TAF1: variants seen among roughly 807,000 people sequenced by gnomAD.
TAF1 encodes TATA-box binding protein associated factor 1.
Under a neutral mutation model 138.5 loss-of-function variants are expected in TAF1, and 2 were observed. The ratio of observed to expected loss-of-function variants is 0.01; its 90% confidence interval spans 0.01 to 0.05. The LOEUF (loss-of-function observed/expected upper bound fraction) is 0.05, where lower values mean the gene tolerates loss of function less well. Ranked by LOEUF, TAF1 falls within the 10% of genes least tolerant of loss-of-function variation. TAF1 has a pLI of 1.00. For missense variants in TAF1, 709 were observed against 1,478.0 expected (o/e 0.48, Z 8.53); for synonymous variants, 437 against 503.2 (o/e 0.87, Z 1.76).
chrX:71,379,099 G>T, intron 8 of TAF1, 68 bp downstream of exon 8: 1 of 789,736 alleles, frequency 1.3e-6, no homozygotes, highest in Non-Finnish European at 1.7e-6. Flanking sequence ...AGTGGGCTCA[G>T]CTGTGATTTT....
intron 13 of TAF1, among the ~76,000 whole-genome samples, chrX:71,511,188 C>T (rs985917824): frequency 3.6e-5 from 4 of 112,051 alleles, no homozygotes; most frequent in Admixed American, 1.9e-4. Context: ...TTTTTGCTTC[C>T]CCTAGACACA....
At position 71,439,316 on chromosome X, in the gene TAF1, CTT is replaced by C. The variant is rs1387015918; in HGVS notation, c.4754-14852_4754-14851del. ...GAAACTCTTTTTTTTTAATTCTTCA[CTT>C]TGAATAAGTTCCAACATCCAGTATG... On this transcript the variant is annotated intron_variant, in intron 32 of 37. Coordinates refer to ENST00000423759, the MANE Select transcript of TAF1 (RefSeq NM_004606.5). Among the ~76,000 whole-genome samples, 4 of 111,211 alleles carry C rather than the reference CTT, an allele frequency of 3.6e-5. No individual in the cohort carries two copies. In the East Asian group the frequency reaches 1.1e-3, roughly 31 times the overall value.
intron 13 of TAF1, among the ~76,000 whole-genome samples, chrX:71,503,306 ATATATATATATATATGTGTGTG>A (rs1569408330): frequency 1.0e-5 from 1 of 95,574 alleles, no homozygotes. Context: ...GTGTATATAT[ATATATATATATATATGTGTGTG>A]TATATATATA....
chrX:71,377,946 A>G (rs1014262033), intron 6 of TAF1, 125 bp downstream of exon 6: 71 of 836,117 alleles, frequency 8.5e-5, no homozygotes, highest in South Asian at 2.5e-4. Flanking sequence ...CTAATTTTCA[A>G]TGAGTAATCA....
intron 32 of TAF1, among the ~76,000 whole-genome samples, chrX:71,426,340 C>T (rs1021175151): frequency 4.5e-5 from 5 of 110,112 alleles, no homozygotes; most frequent in African/African-American, 1.6e-4. Context: ...GTTTACTTGG[C>T]AAAGAATGTG....
At chrX:71,504,122 C>T (rs1390904023) in intron 13 of TAF1, among the ~76,000 whole-genome samples, 8 of 111,067 alleles carry the variant, frequency 7.2e-5, no homozygotes. Flanking sequence ...GCAGCTTTAG[C>T]ATGTGCCTGA....
In TAF1 at chrX:71,463,883, G is replaced by C; in HGVS notation, c.5459G>C (p.Ser1820Thr). The C allele has an allele frequency of 1.7e-6, 2 of 1,211,059 alleles. No homozygotes were observed. Among genetic ancestry groups the C allele is most frequent in the Non-Finnish European group, 2.2e-6 (2 of 895,160 alleles). The change falls in exon 38 of 38, where the codon AGC (serine) becomes ACC (threonine). Residue 1820 changes from serine (S) to threonine (T), a missense_variant. Coordinates refer to ENST00000423759, the MANE Select transcript of TAF1 (RefSeq NM_004606.5). ...AACACCCAAGACACAAGCTTCAGCAGCATCGGTGGGTATGAGGTATCAGAG... is the reference window on the plus strand; with the variant it reads ...AACACCCAAGACACAAGCTTCAGCACCATCGGTGGGTATGAGGTATCAGAG... ...KSNTQDTSFS[S>T]IGGYEVSEEE...
At chrX:71,426,834 G>C (rs2036617399) in intron 32 of TAF1, among the ~76,000 whole-genome samples, 1 of 111,745 alleles carries the variant, frequency 8.9e-6, no homozygotes, top group African/African-American at 3.3e-5. Flanking sequence ...TGCTATACTT[G>C]AGTTTGTACT....
intron 32 of TAF1, among the ~76,000 whole-genome samples, chrX:71,443,744 G>C (rs2037542831): frequency 9.0e-6 from 1 of 111,509 alleles, no homozygotes; most frequent in Non-Finnish European, 1.9e-5. Context: ...TTGAGACAGA[G>C]TCTCACACTG....
chrX:71,458,471 G>A, intron 35 of TAF1, 105 bp downstream of exon 35: 2 of 1,046,930 alleles, frequency 1.9e-6, no homozygotes, highest in Non-Finnish European at 2.5e-6. Context: ...AAGAATGACT[G>A]GGCCCTTTGG....
chrX:71,454,153 T>C lies in TAF1; in HGVS notation c.4754-17T>C, dbSNP rs367968180. 1 of 1,198,092 alleles carries C rather than the reference T, an allele frequency of 8.3e-7. No homozygotes were observed. Among genetic ancestry groups the C allele is most frequent in the Non-Finnish European group, 1.1e-6 (1 of 884,499 alleles). ...CAAGTCTGCAAAGATAATGGCACTT[T>C]CTTATTTTATTTATAGGACCTGAGA... On this transcript the variant is annotated splice_polypyrimidine_tract_variant and intron_variant, in intron 32 of 37. Transcript: ENST00000423759.
intron 32 of TAF1, among the ~76,000 whole-genome samples, chrX:71,434,153 G>C (rs1320679127): frequency 8.9e-6 from 1 of 111,846 alleles, no homozygotes; most frequent in Non-Finnish European, 1.9e-5. Flanking sequence ...AGGATCTCTT[G>C]AGGCCAGAAG....
intron 34 of TAF1, among the ~76,000 whole-genome samples, chrX:71,456,707 C>CTTTTTTTTTTT (rs2038318054): frequency 7.5e-5 from 4 of 53,691 alleles, no homozygotes; most frequent in Non-Finnish European, 9.7e-5. Flanking sequence ...CCGAGTTTTG[C>CTTTTTTTTTTT]TCTTGTCACC....
downstream of TAF1, among the ~76,000 whole-genome samples, chrX:71,467,157 T>C (rs1199299059): frequency 9.8e-6 from 1 of 102,290 alleles, no homozygotes; most frequent in Non-Finnish European, 2.0e-5. Context: ...TGTGGCAGGG[T>C]CATAGGATAA....
intron 13 of TAF1, among the ~76,000 whole-genome samples, chrX:71,523,877 A>C (rs1314809660): frequency 8.9e-6 from 1 of 111,744 alleles, no homozygotes; most frequent in East Asian, 2.8e-4. Context: ...CTCTGACAAT[A>C]CCTGCCATCC....
At position 71,366,639 on chromosome X, in the gene TAF1, G is replaced by C. The variant is rs760891735; in HGVS notation, c.120+145G>C. 551 of 623,047 alleles carry C rather than the reference G, an allele frequency of 8.8e-4. 2 individuals are homozygous for C. Among genetic ancestry groups the C allele is most frequent in the South Asian group, 6.5e-3 (218 of 33,385 alleles). The allele number at this position is 623,047 out of a possible 1,213,427, so 51.3% of individuals were successfully genotyped here. A position where few individuals can be genotyped will look rare whatever the true frequency, so the allele number is the denominator to read the frequency against. On this transcript the variant is annotated intron_variant, in intron 1 of 37. Coordinates refer to ENST00000423759, the MANE Select transcript of TAF1 (RefSeq NM_004606.5). ...GGAGGATCCCGTCCTCATGGGTGCG[G>C]GAGCAACGTGGCGTGGGAGTGATCG...
At chrX:71,488,368 C>T (rs1197258053) in intron 13 of TAF1, among the ~76,000 whole-genome samples, 1 of 107,590 alleles carries the variant, frequency 9.3e-6, no homozygotes, top group Admixed American at 1.0e-4. Flanking sequence ...CTTGGCCTCC[C>T]GAGTAGCTGG....
At position 71,464,404 on chromosome X, in the gene TAF1, G is replaced by T; in HGVS notation, c.*358G>T. 1 of 345,989 alleles carries T rather than the reference G, an allele frequency of 2.9e-6. No individual in the cohort carries two copies. Among genetic ancestry groups the T allele is most frequent in the South Asian group, 9.9e-5 (1 of 10,087 alleles). 28.5% of individuals were successfully genotyped at this position (345,989 alleles called of 1,213,427 possible). On this transcript the variant is annotated 3_prime_UTR_variant, in exon 38 of 38. Coordinates refer to ENST00000423759, the MANE Select transcript of TAF1 (RefSeq NM_004606.5). Reference sequence around the variant, plus strand: ...AGAACTAGTAACTTTATGTCCTCTTGATGTATTAGGAAATTTCCGGCCAGG... The same window carrying T: ...AGAACTAGTAACTTTATGTCCTCTTTATGTATTAGGAAATTTCCGGCCAGG...
Position 71,387,558 on chromosome X carries a change from G to A in TAF1, c.2427+97G>A, listed in dbSNP as rs2034301571. The A allele has an allele frequency of 1.3e-5, 13 of 995,454 alleles. No individual in the cohort carries two copies. In the South Asian group the frequency reaches 2.4e-4, roughly 18 times the overall value. 82.0% of individuals were successfully genotyped at this position (995,454 alleles called of 1,213,427 possible). On this transcript the variant is annotated intron_variant, in intron 15 of 37. Transcript: ENST00000423759. ...TCATGGCTGTAATCCCAGCACTTTG[G>A]GAGGCCGCGGTGAATGGATCACTTG...
Sources: gnomAD v4.1 joint callset for allele counts (sites outside exome capture counted in the v4.1 genomes callset) on GRCh38, gnomAD v4.1.1 for gene constraint, MANE v1.5 for transcripts, NCBI Gene and HGNC (gene_info 2026-07-23, HGNC 2026-07-21) for gene names.